The following CHODL variants were observed in gnomAD, a reference collection of about 807,000 sequenced individuals.
CHODL encodes the protein chondrolectin, also known as transmembrane protein MT75.
Under a neutral mutation model 34.5 loss-of-function variants are expected in CHODL, and 29 were observed. The ratio of observed to expected loss-of-function variants is 0.84; its 90% CI spans 0.63 to 1.15. CHODL has a LOEUF of 1.15. Ranked by LOEUF, CHODL falls within the 50% of genes most tolerant of loss-of-function variation. The pLI is 0.00. For synonymous variants in CHODL, 125 were observed against 116.1 expected (o/e 1.08, Z -0.49); for missense variants, 332 against 332.5 (o/e 1.00, Z 0.01).
At chr21:18,217,208 T>A (rs73204808) in intron 2 of CHODL, among the ~76,000 whole-genome samples, 5,838 of 152,208 alleles carry the variant, frequency 0.038, 153 homozygotes, top group Non-Finnish European at 0.06. Flanking sequence ...TTATTTTTAG[T>A]TTTCTAAGGA....
intron 1 of CHODL, among the ~76,000 whole-genome samples, chr21:17,933,915 T>C (rs1396425784): frequency 6.6e-6 from 1 of 152,008 alleles, no homozygotes; most frequent in Non-Finnish European, 1.5e-5. Context: ...GGCATGCACC[T>C]GTAGTCCCAG....
intron 2 of CHODL, among the ~76,000 whole-genome samples, chr21:18,214,250 G>A (rs946970141): frequency 3.3e-5 from 5 of 152,146 alleles, no homozygotes; most frequent in Middle Eastern, 3.4e-3. Context: ...AGTCACCTCA[G>A]TTCTAAAGCT....
At chr21:18,119,599 C>T (rs2065455370) in intron 2 of CHODL, among the ~76,000 whole-genome samples, 1 of 152,114 alleles carries the variant, frequency 6.6e-6, no homozygotes, top group East Asian at 1.9e-4. Context: ...GCCAGAGGAA[C>T]ATATGTCTAA....
rs144559286 is a variant in CHODL at position 18,162,887 on chromosome 21, T to G, written c.-44-93622T>G. ...AACTCCTGGGCTCAAGAGACCCTTC[T>G]GCCTCAGCCTCCTGAGCAGCTGGGA... is the stretch of plus-strand genomic sequence containing the variant. On this transcript the variant is annotated intron_variant, in intron 2 of 6. Transcript: ENST00000400127. Among the ~76,000 whole-genome samples, 19 of 152,328 alleles carry G rather than the reference T, an allele frequency of 1.2e-4. No individual in the cohort carries two copies. The East Asian group carries it at 3.5e-3, about 28-fold the overall frequency.
At chr21:18,231,915 T>C (rs920477191) in intron 2 of CHODL, among the ~76,000 whole-genome samples, 4 of 151,916 alleles carry the variant, frequency 2.6e-5, no homozygotes, top group Non-Finnish European at 4.4e-5. Flanking sequence ...TAGTTTTATA[T>C]AATAAAATGA....
intron 1 of CHODL, among the ~76,000 whole-genome samples, chr21:17,936,084 A>C (rs546309437): frequency 3.4e-4 from 52 of 152,288 alleles, no homozygotes; most frequent in African/African-American, 1.2e-3. Flanking sequence ...ATCATATCGT[A>C]GAAATAGAAC....
intron 1 of CHODL, among the ~76,000 whole-genome samples, chr21:18,017,634 C>T (rs960024785): frequency 2.6e-5 from 4 of 152,134 alleles, no homozygotes; most frequent in African/African-American, 7.2e-5. Flanking sequence ...GGTTTTCAGG[C>T]GGAAGCTTGT....
chr21:18,133,888 A>C (rs1376172138), intron 2 of CHODL, among the ~76,000 whole-genome samples: 4 of 152,112 alleles, frequency 2.6e-5, no homozygotes, highest in Non-Finnish European at 5.9e-5. Context: ...AGCATCTATA[A>C]AACTGTGTCA....
chr21:17,977,034 G>A (rs2824587), intron 1 of CHODL, among the ~76,000 whole-genome samples: 25,208 of 152,144 alleles, frequency 0.17, 2,273 homozygotes, highest in Middle Eastern at 0.3. Context: ...GGGGTTGCAA[G>A]CTCCATAACA....
At chr21:18,013,757 C>G (rs2064043871) in intron 1 of CHODL, among the ~76,000 whole-genome samples, 1 of 150,240 alleles carries the variant, frequency 6.7e-6, no homozygotes, top group African/African-American at 2.5e-5. Flanking sequence ...CTCTCAGCCT[C>G]CTGAGTAGCT....
At chr21:17,981,391 C>T (rs928597812) in intron 1 of CHODL, among the ~76,000 whole-genome samples, 2 of 152,022 alleles carry the variant, frequency 1.3e-5, no homozygotes, top group Non-Finnish European at 2.9e-5. Context: ...GCGTTTGTTT[C>T]TTTTTTTAAA....
intron 2 of CHODL, among the ~76,000 whole-genome samples, chr21:18,033,029 C>T (rs1434074351): frequency 1.3e-5 from 2 of 151,974 alleles, no homozygotes; most frequent in Non-Finnish European, 2.9e-5. Flanking sequence ...CATGTGTATG[C>T]ATCACATATT....
In CHODL at chr21:18,267,293, G is replaced by A. The variant is rs1466098827; in HGVS notation, c.*1255G>A. On this transcript the variant is annotated 3_prime_UTR_variant, in exon 6 of 6. Transcript: ENST00000299295. ...AATGCTTACGCCTTGTTCTTCTCAA[G>A]AGAAAGTTGTAACTCTCTGGTCTTC... 12 of 152,160 alleles carry A rather than the reference G, an allele frequency of 7.9e-5. No homozygotes were observed. The allele number at this position is 152,160 out of a possible 1,614,324, so 9.4% of individuals were successfully genotyped here. A position where few individuals can be genotyped will look rare whatever the true frequency, so the allele number is the denominator to read the frequency against.
intron 2 of CHODL, among the ~76,000 whole-genome samples, chr21:18,220,898 G>A (rs1012675740): frequency 6.6e-6 from 1 of 151,884 alleles, no homozygotes; most frequent in Non-Finnish European, 1.5e-5. Flanking sequence ...ATTCATTTGT[G>A]GTTCTTTGAG....
intron 2 of CHODL, among the ~76,000 whole-genome samples, chr21:18,095,193 A>G (rs1277142224): frequency 6.6e-6 from 1 of 152,064 alleles, no homozygotes; most frequent in Non-Finnish European, 1.5e-5. Flanking sequence ...GAAGAAAACA[A>G]TACAAAAGAT....
chr21:18,183,769 G>C (rs2073408998), intron 2 of CHODL, among the ~76,000 whole-genome samples: 1 of 151,536 alleles, frequency 6.6e-6, no homozygotes, highest in Non-Finnish European at 1.5e-5. Context: ...AGTAACTGGG[G>C]GAAGAGGCCA....
At chr21:18,121,944 G>A (rs1238948282) in intron 2 of CHODL, among the ~76,000 whole-genome samples, 1 of 152,102 alleles carries the variant, frequency 6.6e-6, no homozygotes, top group African/African-American at 2.4e-5. Flanking sequence ...CATGAATGCA[G>A]ATTTTTATTA....
At chr21:18,002,951 G>A (rs1025946795) in intron 1 of CHODL, among the ~76,000 whole-genome samples, 4 of 151,840 alleles carry the variant, frequency 2.6e-5, no homozygotes, top group Admixed American at 1.3e-4. Flanking sequence ...GTGAAACCCC[G>A]TCTCTACTAA....
chr21:18,171,813 A>T (rs994034873), intron 2 of CHODL, among the ~76,000 whole-genome samples: 8 of 151,070 alleles, frequency 5.3e-5, no homozygotes, highest in Admixed American at 5.3e-4. Context: ...ATATGTGTCC[A>T]CTAGGTCTCT....
Sources: gnomAD v4.1 joint callset for allele counts (sites outside exome capture counted in the v4.1 genomes callset) on GRCh38, gnomAD v4.1.1 for gene constraint, MANE v1.5 for transcripts, NCBI Gene and HGNC (gene_info 2026-07-23, HGNC 2026-07-21) for gene names.